DSTN: variants seen among roughly 807,000 people sequenced by gnomAD.
DSTN encodes destrin, actin depolymerizing factor.
DSTN carries 10 observed loss-of-function variants against 16.8 expected under a neutral mutation model. The observed-to-expected ratio is 0.60, with a 90% CI of 0.37 to 1.01. The LOEUF (loss-of-function observed/expected upper bound fraction) is 1.01, where lower values mean the gene tolerates loss of function less well. Ranked by LOEUF, DSTN falls within the 50% of genes least tolerant of loss-of-function variation. DSTN has a pLI of 0.01. For missense variants in DSTN, 141 were observed against 196.7 expected (o/e 0.72, Z 1.69); for synonymous variants, 57 against 58.9 (o/e 0.97, Z 0.14).
chr20:17,602,448 A>AT (rs543519352), intron 2 of DSTN, among the ~76,000 whole-genome samples: 305 of 152,048 alleles, frequency 2.0e-3, no homozygotes, highest in Admixed American at 3.6e-3. Flanking sequence ...ATTTGCAGGT[A>AT]TTTTTTCTGC....
intron 1 of DSTN, among the ~76,000 whole-genome samples, chr20:17,583,033 G>A (rs1473317339): frequency 6.6e-6 from 1 of 152,170 alleles, no homozygotes; most frequent in East Asian, 1.9e-4. Flanking sequence ...ACTTGTTTGG[G>A]CAAAGGATTT....
intron 1 of DSTN, chr20:17,596,671 A>G (rs1765237503): frequency 4.1e-6 from 4 of 985,344 alleles, no homozygotes; most frequent in Non-Finnish European, 4.8e-6. Flanking sequence ...TTTCTCCTTC[A>G]AGTATTCAGT....
intron 1 of DSTN, among the ~76,000 whole-genome samples, chr20:17,597,891 A>T (rs2093245): frequency 0.99 from 151,227 of 152,328 alleles, 75,076 homozygotes; most frequent in East Asian, 1. Flanking sequence ...TAATCTACCT[A>T]CTGTCTGTTG....
intron 1 of DSTN, among the ~76,000 whole-genome samples, chr20:17,581,441 C>A (rs2035342953): frequency 6.6e-6 from 1 of 152,212 alleles, no homozygotes; most frequent in Non-Finnish European, 1.5e-5. Flanking sequence ...CAAGTTCACG[C>A]CATTGCCCTC....
chr20:17,586,388 C>T (rs973148527), intron 1 of DSTN, among the ~76,000 whole-genome samples: 3 of 152,128 alleles, frequency 2.0e-5, no homozygotes, highest in African/African-American at 7.2e-5. Flanking sequence ...CCTCATAGGA[C>T]CCAGTTTCAT....
At chr20:17,601,154 T>C (rs1483661160) in intron 2 of DSTN, 109 bp downstream of exon 2, 1 of 1,333,826 alleles carries the variant, frequency 7.5e-7, no homozygotes, top group Non-Finnish European at 1.0e-6. Flanking sequence ...GCAGTTGTTG[T>C]CATTTAATTT....
At chr20:17,592,470 C>CT (rs1439316716) in intron 1 of DSTN, among the ~76,000 whole-genome samples, 1 of 150,532 alleles carries the variant, frequency 6.6e-6, no homozygotes, top group Non-Finnish European at 1.5e-5. Context: ...GTTATTTAAT[C>CT]TTTATTTCTT....
At chr20:17,585,891 A>G (rs1242984199) in intron 1 of DSTN, among the ~76,000 whole-genome samples, 1 of 152,184 alleles carries the variant, frequency 6.6e-6, no homozygotes, top group Non-Finnish European at 1.5e-5. Flanking sequence ...GTGCCTCAGC[A>G]GTTCTATTTT....
chr20:17,581,874 G>C (rs1352488434), intron 1 of DSTN, among the ~76,000 whole-genome samples: 2 of 152,024 alleles, frequency 1.3e-5, no homozygotes, highest in African/African-American at 4.8e-5. Context: ...ATTCATTGTA[G>C]AACATTAAGA....
chr20:17,585,416 A>G (rs188566318), intron 1 of DSTN, among the ~76,000 whole-genome samples: 11 of 152,334 alleles, frequency 7.2e-5, no homozygotes, highest in Non-Finnish European at 1.2e-4. Flanking sequence ...TTGATTTGCT[A>G]GTTAACCATC....
At chr20:17,586,294 C>G (rs531027281) in intron 1 of DSTN, among the ~76,000 whole-genome samples, 85 of 152,254 alleles carry the variant, frequency 5.6e-4, no homozygotes, top group Middle Eastern at 3.4e-3. Flanking sequence ...TTGCTATGGT[C>G]TAGAATTGAA....
chr20:17,581,790 A>G (rs2035347470), intron 1 of DSTN, among the ~76,000 whole-genome samples: 1 of 152,232 alleles, frequency 6.6e-6, no homozygotes, highest in South Asian at 2.1e-4. Flanking sequence ...TGAGGAATAA[A>G]AAAATTGATT....
intron 1 of DSTN, among the ~76,000 whole-genome samples, chr20:17,590,035 C>T (rs1232814399): frequency 3.3e-5 from 5 of 152,122 alleles, no homozygotes; most frequent in South Asian, 2.1e-4. Flanking sequence ...AAAAGACCAC[C>T]GTTTCTGATT....
chr20:17,583,686 G>A (rs2035371209), intron 1 of DSTN, among the ~76,000 whole-genome samples: 1 of 150,882 alleles, frequency 6.6e-6, no homozygotes, highest in Admixed American at 6.6e-5. Flanking sequence ...TAAGGGCTGG[G>A]GTGGGTGGGA....
intron 1 of DSTN, among the ~76,000 whole-genome samples, chr20:17,594,110 T>TAAAG (rs565257338): frequency 6.6e-6 from 1 of 151,654 alleles, no homozygotes; most frequent in Non-Finnish European, 1.5e-5. Context: ...AATAAATAAA[T>TAAAG]AAATAAATAG....
chr20:17,574,865 C>CTTTTCTTTTCTTTTTT (rs1354147534), intron 1 of DSTN, among the ~76,000 whole-genome samples: 1 of 64,254 alleles, frequency 1.6e-5, no homozygotes, highest in African/African-American at 6.0e-5. Context: ...CTTTTCTTTT[C>CTTTTCTTTTCTTTTTT]TTTTGTTTTT....
chr20:17,604,514 C>G, intron 2 of DSTN, 41 bp from the exon 3 acceptor site: 1 of 1,586,286 alleles, frequency 6.3e-7, no homozygotes, highest in Non-Finnish European at 8.6e-7. Context: ...GTTATACTTT[C>G]TCTAAACCAC....
chr20:17,601,212 C>A (rs1447501856), intron 2 of DSTN, among the ~76,000 whole-genome samples, 167 bp downstream of exon 2: 1 of 149,582 alleles, frequency 6.7e-6, no homozygotes, highest in Non-Finnish European at 1.5e-5. Flanking sequence ...TTATGGGACC[C>A]AAACTAAATT....
intron 1 of DSTN, among the ~76,000 whole-genome samples, chr20:17,580,127 G>C (rs2035326628): frequency 6.6e-6 from 1 of 152,064 alleles, no homozygotes; most frequent in Non-Finnish European, 1.5e-5. Flanking sequence ...ATTTTACTTG[G>C]AATCATTGTA....
Sources: gnomAD v4.1 joint callset for allele counts (sites outside exome capture counted in the v4.1 genomes callset) on GRCh38, gnomAD v4.1.1 for gene constraint, MANE v1.5 for transcripts, NCBI Gene and HGNC (gene_info 2026-07-23, HGNC 2026-07-21) for gene names.